ARHGEF3: variants seen among roughly 807,000 people sequenced by gnomAD.
ARHGEF3 encodes 59.8 kDA protein.
Under a neutral mutation model 63.2 loss-of-function variants are expected in ARHGEF3, and 28 were observed. The observed-to-expected ratio is 0.44, with a 90% CI of 0.33 to 0.61. The LOEUF (loss-of-function observed/expected upper bound fraction) is 0.61, where lower values mean the gene tolerates loss of function less well. Among genes scored for constraint, ARHGEF3 ranks in the 20% least tolerant of loss-of-function variants. ARHGEF3 has a pLI of 0.03. For synonymous variants in ARHGEF3, 266 were observed against 254.2 expected, an observed-to-expected ratio of 1.05 and a Z score of -0.44; for missense variants, 533 against 659.3, an observed-to-expected ratio of 0.81 and a Z score of 2.10.
chr3:56,878,047 T>C (rs1393209506), intron 4 of ARHGEF3, among the ~76,000 whole-genome samples: 1 of 152,230 alleles, frequency 6.6e-6, no homozygotes, highest in Non-Finnish European at 1.5e-5. Flanking sequence ...AGAGAACGTA[T>C]ATTCCTTTTT....
At chr3:56,968,295 TA>T (rs1560094661) in intron 2 of ARHGEF3, among the ~76,000 whole-genome samples, 1 of 55,934 alleles carries the variant, frequency 1.8e-5, no homozygotes, top group Non-Finnish European at 3.4e-5. Flanking sequence ...ATAATATATA[TA>T]ATATATAATA....
At chr3:56,955,115 C>T (rs910044417) in intron 3 of ARHGEF3, among the ~76,000 whole-genome samples, 1 of 152,066 alleles carries the variant, frequency 6.6e-6, no homozygotes, top group Admixed American at 6.6e-5. Flanking sequence ...ATCACCTCGT[C>T]CCCCACCCCA....
chr3:56,947,228 A>C (rs1333685794), intron 3 of ARHGEF3, among the ~76,000 whole-genome samples: 1 of 152,248 alleles, frequency 6.6e-6, no homozygotes, highest in Non-Finnish European at 1.5e-5. Context: ...ACTAACAAGC[A>C]AAATAATCAG....
intron 1 of ARHGEF3, chr3:56,775,067 G>T (rs762582308): frequency 1.9e-6 from 3 of 1,551,192 alleles, no homozygotes; most frequent in Non-Finnish European, 2.6e-6. Context: ...ACCAAATTTT[G>T]ATGGGCAAAG....
chr3:56,968,342 A>T (rs1342840518), intron 2 of ARHGEF3, among the ~76,000 whole-genome samples: 1 of 101,194 alleles, frequency 9.9e-6, no homozygotes, highest in Non-Finnish European at 1.9e-5. Flanking sequence ...ATAATATATA[A>T]TATATATATT....
In ARHGEF3 at chr3:56,920,824, G is replaced by A. The variant is rs542287431; in HGVS notation, c.129+37999C>T. Among the ~76,000 whole-genome samples the A allele has an allele frequency of 9.5e-4, 144 of 152,104 alleles. 1 individual carries two copies. The highest frequency in any genetic ancestry group is 9.8e-4 in the Admixed American group (15 of 15,292). ...TCCCAGCACTTTGGGAGGCCGAGGC[G>A]GGCAGATCACGAGGTCAGGAGATCA... On this transcript the variant is annotated intron_variant, in intron 3 of 12. Coordinates refer to the ARHGEF3 transcript ENST00000338458.
At chr3:56,918,606 G>A (rs1560049503) in intron 3 of ARHGEF3, among the ~76,000 whole-genome samples, 1 of 152,176 alleles carries the variant, frequency 6.6e-6, no homozygotes, top group Admixed American at 6.5e-5. Flanking sequence ...AACAGGGCAC[G>A]GCCGTCTCCT....
chr3:56,971,746 C>T (rs1700921252), intron 2 of ARHGEF3, among the ~76,000 whole-genome samples: 1 of 151,726 alleles, frequency 6.6e-6, no homozygotes, highest in Non-Finnish European at 1.5e-5. Flanking sequence ...CCCAGCTACT[C>T]GGGAGGCTGA....
At chr3:56,988,101 G>A (rs1256532414) in intron 2 of ARHGEF3, among the ~76,000 whole-genome samples, 2 of 152,140 alleles carry the variant, frequency 1.3e-5, no homozygotes, top group African/African-American at 4.8e-5. Context: ...CCACCTCTTG[G>A]GACTTTAAGA....
At chr3:56,787,252 G>C (rs992078309) in intron 1 of ARHGEF3, among the ~76,000 whole-genome samples, 1 of 152,190 alleles carries the variant, frequency 6.6e-6, no homozygotes. Context: ...ACATTTGAGA[G>C]TCAAGCGAGG....
intron 2 of ARHGEF3, among the ~76,000 whole-genome samples, chr3:57,008,755 A>G (rs114396164): frequency 0.01 from 1,560 of 152,254 alleles, 33 homozygotes; most frequent in African/African-American, 0.035. Flanking sequence ...TACAGGCATG[A>G]GTCACTGTAC....
rs1271266679 is a variant in ARHGEF3, at chr3:56,737,177, C to A, written c.1041+8G>T. On this transcript the variant is annotated splice_region_variant and intron_variant, in intron 8 of 9. Transcript: ENST00000296315. Reference sequence around the variant, plus strand: ...GGATAAGACTGCTTAAAGGGAGTAACTACTTACCACGCCCCGATTGTTCTT... The same window carrying A: ...GGATAAGACTGCTTAAAGGGAGTAAATACTTACCACGCCCCGATTGTTCTT... The A allele has an allele frequency of 6.2e-7, 1 of 1,611,556 alleles. No individual in the cohort carries two copies. Among genetic ancestry groups the A allele is most frequent in the East Asian group, 2.2e-5 (1 of 44,864 alleles).
intron 2 of ARHGEF3, among the ~76,000 whole-genome samples, chr3:57,030,155 C>G (rs1703673091): frequency 1.3e-5 from 2 of 152,210 alleles, no homozygotes; most frequent in African/African-American, 4.8e-5. Flanking sequence ...GGGTCAAGTC[C>G]TTCATGTTGC....
intron 3 of ARHGEF3, among the ~76,000 whole-genome samples, chr3:56,943,108 G>C (rs1699270012): frequency 6.6e-6 from 1 of 152,204 alleles, no homozygotes; most frequent in Non-Finnish European, 1.5e-5. Flanking sequence ...GACAAAGGTG[G>C]TGACACTAAA....
chr3:56,750,290 G>A (rs569718861), intron 6 of ARHGEF3, among the ~76,000 whole-genome samples: 3 of 152,266 alleles, frequency 2.0e-5, no homozygotes, highest in South Asian at 4.1e-4. Context: ...AAGAGCACAC[G>A]CCTTGTCTAG....
intron 5 of ARHGEF3, 54 bp from the exon 6 acceptor site, chr3:56,751,186 C>T: frequency 6.3e-7 from 1 of 1,589,350 alleles, no homozygotes; most frequent in Non-Finnish European, 8.6e-7. Flanking sequence ...ATGAACAGGG[C>T]TGGAAGTAGG....
At chr3:56,937,567 T>G (rs1250303479) in intron 3 of ARHGEF3, among the ~76,000 whole-genome samples, 1 of 152,214 alleles carries the variant, frequency 6.6e-6, no homozygotes, top group Admixed American at 6.5e-5. Context: ...ATAAGAATCA[T>G]GGAAACCATG....
intron 3 of ARHGEF3, among the ~76,000 whole-genome samples, chr3:56,952,478 A>G (rs981209202): frequency 6.6e-6 from 1 of 150,818 alleles, no homozygotes; most frequent in Non-Finnish European, 1.5e-5. Context: ...CTTCTAATCC[A>G]CAGAACTCCA....
At chr3:56,884,165 G>A (rs1330822903) in intron 3 of ARHGEF3, among the ~76,000 whole-genome samples, 1 of 152,160 alleles carries the variant, frequency 6.6e-6, no homozygotes, top group Non-Finnish European at 1.5e-5. Context: ...TCTAAGGTGT[G>A]AGCAGAGGTG....
Sources: gnomAD v4.1 joint callset for allele counts (sites outside exome capture counted in the v4.1 genomes callset) on GRCh38, gnomAD v4.1.1 for gene constraint, MANE v1.5 for transcripts, NCBI Gene and HGNC (gene_info 2026-07-23, HGNC 2026-07-21) for gene names.